Variants in PKNOX2 observed in about 807,000 individuals in gnomAD.
The protein encoded by PKNOX2 is homeobox protein PKNOX2.
Under a neutral mutation model 53.1 loss-of-function variants are expected in PKNOX2, and 14 were observed. The ratio of observed to expected loss-of-function variants is 0.26; its 90% CI spans 0.17 to 0.41. The LOEUF is 0.41. Among genes scored for constraint, PKNOX2 ranks in the 10% least tolerant of loss-of-function variants. The pLI is 1.00. For missense variants in PKNOX2, 496 were observed against 602.8 expected, an observed-to-expected ratio of 0.82 and a Z score of 1.85; for synonymous variants, 257 against 242.8, an observed-to-expected ratio of 1.06 and a Z score of -0.54.
chr11:125,341,482 T>C (rs1011395713), intron 3 of PKNOX2, among the ~76,000 whole-genome samples: 1 of 152,240 alleles, frequency 6.6e-6, no homozygotes. Context: ...AGGCTGCCCC[T>C]TCTCCCCCAG....
chr11:125,391,729 GT>G (rs1400504978), intron 6 of PKNOX2, among the ~76,000 whole-genome samples: 2 of 152,154 alleles, frequency 1.3e-5, no homozygotes, highest in Non-Finnish European at 2.9e-5. Flanking sequence ...GGTTGCATTT[GT>G]TTTGCTTTTT....
intron 1 of PKNOX2, among the ~76,000 whole-genome samples, chr11:125,228,064 G>A (rs1941863980): frequency 1.3e-5 from 2 of 152,154 alleles, no homozygotes; most frequent in South Asian, 4.2e-4. Context: ...CTTGGGTAGT[G>A]TACTGCTCCT....
intron 4 of PKNOX2, among the ~76,000 whole-genome samples, chr11:125,366,952 A>T (rs1952221181): frequency 6.6e-6 from 1 of 152,246 alleles, no homozygotes. Flanking sequence ...AAGACAGATA[A>T]GTACATGAAG....
intron 5 of PKNOX2, among the ~76,000 whole-genome samples, chr11:125,375,266 C>A (rs953039247): frequency 9.9e-5 from 15 of 152,134 alleles, no homozygotes; most frequent in South Asian, 8.3e-4. Flanking sequence ...AGTATTATTA[C>A]AAGAGGAGGT....
intron 1 of PKNOX2, among the ~76,000 whole-genome samples, chr11:125,227,083 A>G (rs577471359): frequency 6.6e-6 from 1 of 152,132 alleles, no homozygotes; most frequent in Non-Finnish European, 1.5e-5. Context: ...TAGTGGTGGC[A>G]TATATACGTA....
chr11:125,367,723 A>G, intron 4 of PKNOX2, 123 bp from the exon 5 acceptor site: 6 of 1,028,524 alleles, frequency 5.8e-6, no homozygotes, highest in Non-Finnish European at 8.2e-6. Context: ...GTGTGCTCAC[A>G]GTTCTCTTGG....
rs556051859 is a variant in PKNOX2 at position 125,347,655 on chromosome 11, G to A, written c.-22-3629G>A. On this transcript the variant is annotated intron_variant, in intron 3 of 12. Coordinates refer to ENST00000298282, the MANE Select transcript of PKNOX2 (RefSeq NM_001382323.2). ...ACTTTGCATCCACTGATCCTGCCTCGGTGGCTCCTGGGCTCTCTAAAATGA... is the reference window on the plus strand; with the variant it reads ...ACTTTGCATCCACTGATCCTGCCTCAGTGGCTCCTGGGCTCTCTAAAATGA... 3.3e-5 allele frequency among the ~76,000 whole-genome samples: 5 copies of A among 152,156 alleles called. No individual in the cohort carries two copies. The East Asian group carries it at 9.7e-4, about 29-fold the overall frequency.
chr11:125,427,579 T>C (rs1456664795), intron 10 of PKNOX2, among the ~76,000 whole-genome samples: 1 of 152,232 alleles, frequency 6.6e-6, no homozygotes, highest in Non-Finnish European at 1.5e-5. Context: ...ATTTCATTTA[T>C]TTGTCAGATG....
chr11:125,281,117 C>A (rs909919450), intron 2 of PKNOX2, among the ~76,000 whole-genome samples: 31 of 152,204 alleles, frequency 2.0e-4, no homozygotes, highest in African/African-American at 7.2e-4. Context: ...TTTCATGAGG[C>A]TCAGCTTTGT....
Position 125,430,099 on chromosome 11 carries a change from G to T in PKNOX2, c.1150G>T (p.Val384Leu), listed in dbSNP as rs751784454. Residue 384 changes from valine to leucine, a missense_variant, in exon 12 of 13, where the codon GTG (valine) becomes TTG (leucine). Val to Leu is a conservative substitution (Grantham distance 32, BLOSUM62 1). Coordinates refer to ENST00000298282, the MANE Select transcript of PKNOX2 (RefSeq NM_001382323.2). ...RFWPNSIAAG[V>L]LQQQGGAPGT... ...CTGGCCCAACTCCATCGCTGCGGGGGTGCTGCAGCAGCAGGGCGGTGCCCC... is the reference window on the plus strand; with the variant it reads ...CTGGCCCAACTCCATCGCTGCGGGGTTGCTGCAGCAGCAGGGCGGTGCCCC... 9.3e-6 allele frequency: 15 copies of T among 1,614,174 alleles called. No individual in the cohort carries two copies. Among genetic ancestry groups the T allele is most frequent in the East Asian group, 4.5e-5 (2 of 44,870 alleles).
intron 2 of PKNOX2, among the ~76,000 whole-genome samples, chr11:125,308,441 GAGA>G (rs1191284698): frequency 6.6e-6 from 1 of 152,198 alleles, no homozygotes; most frequent in Non-Finnish European, 1.5e-5. Flanking sequence ...GACATGTCAG[GAGA>G]AGCACAAGAG....
chr11:125,182,777 A>G (rs1956224851), intron 1 of PKNOX2, among the ~76,000 whole-genome samples: 1 of 152,194 alleles, frequency 6.6e-6, no homozygotes, highest in Non-Finnish European at 1.5e-5. Context: ...GCCAGCAGCT[A>G]CAGAGAAGGG....
rs1949082874 is a variant in PKNOX2 at position 125,315,251 on chromosome 11, A to T, written c.-129-16568A>T. 4.1e-5 allele frequency among the ~76,000 whole-genome samples: 6 copies of T among 146,850 alleles called. No homozygotes were observed. The South Asian group carries it at 1.3e-3, about 32-fold the overall frequency. On this transcript the variant is annotated intron_variant, in intron 2 of 12. Transcript: ENST00000298282. ...ATCCGAATAACTAATCAGAGTCCTCATTAACCCCCTGCCAGGATGCTCAAA... is the reference window on the plus strand; with the variant it reads ...ATCCGAATAACTAATCAGAGTCCTCTTTAACCCCCTGCCAGGATGCTCAAA...
intron 2 of PKNOX2, among the ~76,000 whole-genome samples, chr11:125,293,877 T>C (rs1451911715): frequency 6.6e-6 from 1 of 151,974 alleles, no homozygotes; most frequent in Non-Finnish European, 1.5e-5. Context: ...ATCTCCCATC[T>C]CCCTCTTACC....
At chr11:125,300,409 T>C (rs553773672) in intron 2 of PKNOX2, among the ~76,000 whole-genome samples, 1 of 152,316 alleles carries the variant, frequency 6.6e-6, no homozygotes, top group East Asian at 1.9e-4. Context: ...ATTTTACAGA[T>C]GAGGCCATTG....
intron 1 of PKNOX2, among the ~76,000 whole-genome samples, chr11:125,222,925 G>A (rs975066105): frequency 1.8e-4 from 27 of 152,304 alleles, no homozygotes; most frequent in African/African-American, 6.3e-4. Flanking sequence ...AATGAGCCTA[G>A]TTAGGAGTGA....
At position 125,432,379 on chromosome 11, in the gene PKNOX2, C is replaced by T. The variant is rs797009177; in HGVS notation, c.*987C>T. On this transcript the variant is annotated 3_prime_UTR_variant, in exon 13 of 13. Coordinates refer to ENST00000298282, the MANE Select transcript of PKNOX2 (RefSeq NM_001382323.2). ...CCACGGCCATCCCTTTGCTCCCAGC[C>T]TGGCTCCATCAGCCTCCAGCTTCCT... The T allele has an allele frequency of 1.2e-4, 19 of 153,054 alleles. No individual in the cohort carries two copies. Among genetic ancestry groups the T allele is most frequent in the African/African-American group, 4.1e-4 (17 of 41,592 alleles). 9.5% of individuals were successfully genotyped at this position (153,054 alleles called of 1,614,324 possible).
At chr11:125,203,553 A>G (rs946929818) in intron 1 of PKNOX2, among the ~76,000 whole-genome samples, 1 of 151,138 alleles carries the variant, frequency 6.6e-6, no homozygotes, top group African/African-American at 2.5e-5. Context: ...CTTTGGGGAC[A>G]GGACTGCAAG....
chr11:125,297,951 T>C (rs1947770675), intron 2 of PKNOX2, among the ~76,000 whole-genome samples: 1 of 152,140 alleles, frequency 6.6e-6, no homozygotes, highest in African/African-American at 2.4e-5. Flanking sequence ...TAATCACCTT[T>C]GTTCTTGCTG....
Sources: allele counts gnomAD v4.1 joint callset (sites outside exome capture counted in the v4.1 genomes callset), GRCh38; gene constraint gnomAD v4.1.1; transcripts MANE v1.5; gene names NCBI Gene and HGNC (gene_info 2026-07-23, HGNC 2026-07-21).